The following DAAM1 variants were observed in gnomAD, a reference collection of about 807,000 sequenced individuals.
DAAM1 encodes the protein dishevelled associated activator of morphogenesis 1.
A neutral mutation model predicts 130.0 loss-of-function variants in DAAM1; 52 were observed. The observed-to-expected ratio is 0.40, with a 90% confidence interval of 0.32 to 0.50. The LOEUF (loss-of-function observed/expected upper bound fraction) is 0.50. Ranked by LOEUF, DAAM1 falls within the 20% of genes least tolerant of loss-of-function variation. The pLI, the probability that DAAM1 is intolerant of heterozygous loss-of-function variation, is 0.61. For missense variants in DAAM1, 1,134 were observed against 1,303.8 expected (o/e 0.87, Z 2.01); for synonymous variants, 452 against 444.5 (o/e 1.02, Z -0.21).
At chr14:59,252,908 G>T (rs1393166562) in intron 1 of DAAM1, among the ~76,000 whole-genome samples, 2 of 152,196 alleles carry the variant, frequency 1.3e-5, no homozygotes, top group African/African-American at 4.8e-5. Context: ...TGTGAAACAT[G>T]AATTGGCATG....
At chr14:59,274,217 A>G (rs1882851733) in intron 2 of DAAM1, among the ~76,000 whole-genome samples, 1 of 152,228 alleles carries the variant, frequency 6.6e-6, no homozygotes, top group Non-Finnish European at 1.5e-5. Context: ...AAAAGCAGCT[A>G]GCTGTTTATT....
chr14:59,356,492 A>C (rs556089915), intron 20 of DAAM1, among the ~76,000 whole-genome samples: 1 of 152,312 alleles, frequency 6.6e-6, no homozygotes, highest in East Asian at 1.9e-4. Flanking sequence ...ACCTGTTGTC[A>C]GGTAAGAAAC....
At chr14:59,232,998 A>C (rs553788106) in intron 1 of DAAM1, among the ~76,000 whole-genome samples, 3 of 152,168 alleles carry the variant, frequency 2.0e-5, no homozygotes, top group Non-Finnish European at 4.4e-5. Flanking sequence ...ATAGTATTCC[A>C]TGGTGTGTAT....
rs145361592 is a variant in DAAM1 at position 59,337,579 on chromosome 14, C to T, written c.1969-2495C>T. Among the ~76,000 whole-genome samples, 11 of 152,332 alleles carry T rather than the reference C, an allele frequency of 7.2e-5. No individual in the cohort carries two copies. In the East Asian group the frequency reaches 1.5e-3, roughly 21 times the overall value. ...ATTTCAGCATTGCAAAAATATGCAACGTATGCTGTAACTTTCTCACAGCAT... is the reference window on the plus strand; with the variant it reads ...ATTTCAGCATTGCAAAAATATGCAATGTATGCTGTAACTTTCTCACAGCAT... On this transcript the variant is annotated intron_variant, in intron 15 of 24. Transcript: ENST00000360909.
intron 2 of DAAM1, 122 bp from the exon 3 acceptor site, chr14:59,291,095 T>A (rs77085219): frequency 0.014 from 11,653 of 804,052 alleles, 174 homozygotes; most frequent in Non-Finnish European, 0.015. Flanking sequence ...CTTGATCTTT[T>A]TCAAGTTCAT....
chr14:59,339,381 C>G (rs1449094274), intron 15 of DAAM1, among the ~76,000 whole-genome samples: 1 of 152,188 alleles, frequency 6.6e-6, no homozygotes, highest in African/African-American at 2.4e-5. Flanking sequence ...TCAGTTCACT[C>G]TAACAGTATA....
At chr14:59,207,313 G>A (rs1231966409) in intron 1 of DAAM1, among the ~76,000 whole-genome samples, 2 of 152,156 alleles carry the variant, frequency 1.3e-5, no homozygotes, top group Admixed American at 6.5e-5. Flanking sequence ...ATGGACAAGA[G>A]GCATTACATT....
intron 1 of DAAM1, among the ~76,000 whole-genome samples, chr14:59,207,306 G>C (rs763434585): frequency 3.3e-5 from 5 of 152,144 alleles, no homozygotes; most frequent in Non-Finnish European, 5.9e-5. Context: ...TTTTGCTATG[G>C]ACAAGAGGCA....
intron 3 of DAAM1, among the ~76,000 whole-genome samples, chr14:59,310,824 T>A (rs1202862939): frequency 1.3e-5 from 2 of 152,206 alleles, no homozygotes; most frequent in Non-Finnish European, 2.9e-5. Context: ...ACATAGAGAT[T>A]TATGGCTTTA....
Position 59,263,023 on chromosome 14 carries a change from A to G in DAAM1, c.-37-418A>G, listed in dbSNP as rs1882248097. ...ATTCTATTTAGGGAAGAGAACTTTT[A>G]AATCAGTCTGGAATCAGACTTTAAA... On this transcript the variant is annotated intron_variant, in intron 1 of 24. Coordinates refer to ENST00000360909, the MANE Select transcript of DAAM1 (RefSeq NM_001270520.2). Among the ~76,000 whole-genome samples the G allele has an allele frequency of 2.0e-5, 3 of 152,218 alleles. 1 individual carries two copies. The South Asian group carries it at 6.2e-4, about 32-fold the overall frequency.
intron 16 of DAAM1, 116 bp from the exon 17 acceptor site, chr14:59,347,423 C>A: frequency 1.1e-6 from 1 of 950,436 alleles, no homozygotes; most frequent in South Asian, 1.6e-5. Context: ...TAAGCTTTCA[C>A]TGAGAGATTT....
intron 1 of DAAM1, among the ~76,000 whole-genome samples, chr14:59,203,635 T>C (rs1183425049): frequency 6.6e-6 from 1 of 152,224 alleles, no homozygotes; most frequent in Non-Finnish European, 1.5e-5. Context: ...ATCTTTGTTA[T>C]AAAGAAATTT....
intron 15 of DAAM1, among the ~76,000 whole-genome samples, chr14:59,333,646 A>G (rs1196304419): frequency 6.6e-6 from 1 of 152,324 alleles, no homozygotes; most frequent in Non-Finnish European, 1.5e-5. Context: ...ATACTGTTCC[A>G]TGCTGGTTGC....
At chr14:59,253,036 A>G (rs1345900463) in intron 1 of DAAM1, among the ~76,000 whole-genome samples, 1 of 152,180 alleles carries the variant, frequency 6.6e-6, no homozygotes, top group Non-Finnish European at 1.5e-5. Context: ...TTTTTCGTGT[A>G]CAGCCCCCTG....
chr14:59,282,469 T>A (rs61986054), intron 2 of DAAM1, among the ~76,000 whole-genome samples: 10,028 of 152,244 alleles, frequency 0.066, 430 homozygotes, highest in Non-Finnish European at 0.097. Flanking sequence ...ACGTAAGCCA[T>A]AAAGCCAGAT....
chr14:59,272,555 C>T (rs1028079735), intron 2 of DAAM1, among the ~76,000 whole-genome samples: 5 of 151,732 alleles, frequency 3.3e-5, no homozygotes, highest in African/African-American at 1.2e-4. Context: ...CCAGCCTGGG[C>T]AGCAGAGCAA....
intron 1 of DAAM1, among the ~76,000 whole-genome samples, chr14:59,253,316 T>C (rs963197279): frequency 6.6e-6 from 1 of 152,238 alleles, no homozygotes; most frequent in South Asian, 2.1e-4. Context: ...TATCAGTTTT[T>C]CCCTAACTGG....
chr14:59,200,202 C>G (rs1888056316), intron 1 of DAAM1, among the ~76,000 whole-genome samples: 1 of 152,088 alleles, frequency 6.6e-6, no homozygotes, highest in African/African-American at 2.4e-5. Context: ...GACACTGATG[C>G]TGGGTCAGGG....
intron 16 of DAAM1, among the ~76,000 whole-genome samples, chr14:59,340,512 G>C (rs541255313): frequency 6.6e-6 from 1 of 152,204 alleles, no homozygotes; most frequent in Non-Finnish European, 1.5e-5. Flanking sequence ...TGGTCATTTA[G>C]TAGCATTGTC....
Sources: allele counts gnomAD v4.1 joint callset (sites outside exome capture counted in the v4.1 genomes callset), GRCh38; gene constraint gnomAD v4.1.1; transcripts MANE v1.5; gene names NCBI Gene and HGNC (gene_info 2026-07-23, HGNC 2026-07-21).